Variants in TSPAN5 observed in about 807,000 individuals in gnomAD.
TSPAN5 encodes tetraspanin-5.
In TSPAN5, 10 loss-of-function variants were observed where a neutral mutation model predicts 37.1. The ratio of observed to expected loss-of-function variants is 0.27; its 90% CI spans 0.17 to 0.46. The LOEUF is 0.46. TSPAN5 is among the 20% of genes least tolerant of loss of function. The probability of loss-of-function intolerance (pLI) is 1.00; values close to 1 mark genes in which losing one functional copy is unlikely to be tolerated. For synonymous variants in TSPAN5, 110 were observed against 118.9 expected (o/e 0.93, Z 0.48); for missense variants, 195 against 326.6 (o/e 0.60, Z 3.11).
chr4:98,498,477 T>C (rs1753265870), intron 2 of TSPAN5, among the ~76,000 whole-genome samples: 1 of 152,140 alleles, frequency 6.6e-6, no homozygotes, highest in Non-Finnish European at 1.5e-5. Flanking sequence ...AAAACCAAAG[T>C]GAGTAGGAGA....
At chr4:98,637,806 T>C (rs548275753) in intron 1 of TSPAN5, among the ~76,000 whole-genome samples, 31 of 152,350 alleles carry the variant, frequency 2.0e-4, no homozygotes, top group Middle Eastern at 3.4e-3. Flanking sequence ...AACTTCAAGA[T>C]GATCTAAGTG....
At chr4:98,606,863 A>G (rs1206692667) in intron 1 of TSPAN5, among the ~76,000 whole-genome samples, 1 of 152,176 alleles carries the variant, frequency 6.6e-6, no homozygotes, top group Non-Finnish European at 1.5e-5. Context: ...TTTCATCTTT[A>G]GGGGGCATTT....
At chr4:98,514,661 T>C (rs1465804889) in intron 1 of TSPAN5, among the ~76,000 whole-genome samples, 1 of 152,212 alleles carries the variant, frequency 6.6e-6, no homozygotes, top group African/African-American at 2.4e-5. Flanking sequence ...CCTTTCAGTG[T>C]GGCCCGAGTG....
At chr4:98,513,876 AG>A (rs1753670623) in intron 1 of TSPAN5, among the ~76,000 whole-genome samples, 2 of 150,636 alleles carry the variant, frequency 1.3e-5, no homozygotes, top group African/African-American at 4.9e-5. Context: ...ATAGATAGAT[AG>A]ATAGATAGAT....
In TSPAN5 at chr4:98,521,940, AG is replaced by A. The variant is rs557560153; in HGVS notation, c.82-14213del. Among the ~76,000 whole-genome samples, 17 of 152,350 alleles carry A rather than the reference AG, an allele frequency of 1.1e-4. No individual in the cohort carries two copies. In the East Asian group the frequency reaches 3.1e-3, roughly 28 times the overall value. On this transcript the variant is annotated intron_variant, in intron 1 of 7. Coordinates refer to ENST00000305798, the MANE Select transcript of TSPAN5 (RefSeq NM_005723.4). Reference sequence around the variant, plus strand: ...AGAGGAAAAGTGACTGTTATTAAACAGATGTCTGTGCTACAGTCAATATATC... The same window carrying A: ...AGAGGAAAAGTGACTGTTATTAAACAATGTCTGTGCTACAGTCAATATATC...
intron 1 of TSPAN5, among the ~76,000 whole-genome samples, chr4:98,620,552 G>T (rs1359329968): frequency 6.6e-6 from 1 of 152,216 alleles, no homozygotes; most frequent in African/African-American, 2.4e-5. Context: ...TCACACAGCA[G>T]TCGACAATAA....
chr4:98,584,223 G>C (rs72906083), intron 1 of TSPAN5, among the ~76,000 whole-genome samples: 2,001 of 152,236 alleles, frequency 0.013, 45 homozygotes, highest in African/African-American at 0.045. Flanking sequence ...CTACAGGTGT[G>C]TGCCACCACA....
chr4:98,501,287 T>C (rs1311633173), intron 2 of TSPAN5, among the ~76,000 whole-genome samples: 1 of 152,228 alleles, frequency 6.6e-6, no homozygotes, highest in Non-Finnish European at 1.5e-5. Flanking sequence ...GAATCGCTAA[T>C]ATAGTATGCT....
chr4:98,483,014 A>AT (rs1752882357), intron 3 of TSPAN5: 1 of 152,218 alleles, frequency 6.6e-6, no homozygotes, highest in African/African-American at 2.4e-5. Context: ...AAGACTCAGA[A>AT]GAGTCTCAGC....
chr4:98,518,734 C>T (rs993222977), intron 1 of TSPAN5, among the ~76,000 whole-genome samples: 1 of 152,212 alleles, frequency 6.6e-6, no homozygotes, highest in Non-Finnish European at 1.5e-5. Context: ...CACCAGGGAA[C>T]TTGTCAGAAA....
At chr4:98,643,691 T>C (rs1259279528) in intron 1 of TSPAN5, among the ~76,000 whole-genome samples, 1 of 152,202 alleles carries the variant, frequency 6.6e-6, no homozygotes, top group Non-Finnish European at 1.5e-5. Flanking sequence ...ATATTAGGGA[T>C]TATTAATCTT....
chr4:98,552,711 C>T (rs1472249809), intron 1 of TSPAN5, among the ~76,000 whole-genome samples: 2 of 152,202 alleles, frequency 1.3e-5, no homozygotes, highest in African/African-American at 4.8e-5. Context: ...AGTTATTAAA[C>T]TCATGGGAAA....
chr4:98,550,315 G>T (rs1404227173), intron 1 of TSPAN5, among the ~76,000 whole-genome samples: 1 of 152,070 alleles, frequency 6.6e-6, no homozygotes, highest in Non-Finnish European at 1.5e-5. Context: ...GTCAGGTAAC[G>T]TGACGCCTCT....
At chr4:98,475,445 GGC>G (rs1578929910) in intron 7 of TSPAN5, among the ~76,000 whole-genome samples, 1 of 152,148 alleles carries the variant, frequency 6.6e-6, no homozygotes, top group East Asian at 1.9e-4. Context: ...CTAGCACTTT[GGC>G]AAGGTAGTTT....
intron 1 of TSPAN5, among the ~76,000 whole-genome samples, chr4:98,586,685 C>T (rs10489125): frequency 0.09 from 13,762 of 152,164 alleles, 737 homozygotes; most frequent in South Asian, 0.21. Flanking sequence ...GTTAATCAAG[C>T]GAAAAGCAGC....
intron 7 of TSPAN5, 33 bp downstream of exon 7, chr4:98,476,156 C>T: frequency 6.5e-7 from 1 of 1,530,514 alleles, no homozygotes; most frequent in Non-Finnish European, 9.1e-7. Flanking sequence ...GGCATTATTT[C>T]CCTGTGATAT....
chr4:98,658,281 C>T lies in TSPAN5; in HGVS notation c.-55G>A, dbSNP rs113861524. 1 of 1,436,226 alleles carries T rather than the reference C, an allele frequency of 7.0e-7. No homozygotes were observed. The highest frequency in any genetic ancestry group is 1.4e-5 in the African/African-American group (1 of 71,508). The allele number at this position is 1,436,226 out of a possible 1,614,324, so 89.0% of individuals were successfully genotyped here. A position where few individuals can be genotyped will look rare whatever the true frequency, so the allele number is the denominator to read the frequency against. On this transcript the variant is annotated 5_prime_UTR_variant, in exon 1 of 8. Transcript: ENST00000305798. ...GCAGCCCGAGTTTGGAGCTCCGAAG[C>T]ACCGTTGCTCGGAGCAGCCCGGCGG...
At chr4:98,562,169 A>G (rs561109383) in intron 1 of TSPAN5, among the ~76,000 whole-genome samples, 3 of 152,194 alleles carry the variant, frequency 2.0e-5, no homozygotes, top group Non-Finnish European at 2.9e-5. Context: ...ACTATGGCAT[A>G]ACAGAAGGAA....
chr4:98,540,893 A>T (rs1204421124), intron 1 of TSPAN5, among the ~76,000 whole-genome samples: 1 of 152,196 alleles, frequency 6.6e-6, no homozygotes, highest in East Asian at 1.9e-4. Flanking sequence ...AATTCAAGAG[A>T]TATTTAGGGT....
Sources: gnomAD v4.1 joint callset for allele counts (sites outside exome capture counted in the v4.1 genomes callset) on GRCh38, gnomAD v4.1.1 for gene constraint, MANE v1.5 for transcripts, NCBI Gene and HGNC (gene_info 2026-07-23, HGNC 2026-07-21) for gene names.